HTR1E: variants seen among roughly 807,000 people sequenced by gnomAD.
HTR1E encodes 5-hydroxytryptamine receptor 1E.
In HTR1E, 3 loss-of-function variants were observed where a neutral mutation model predicts 3.4. That is an observed-to-expected ratio of 0.89 (90% CI 0.41 to 2.31). The LOEUF (loss-of-function observed/expected upper bound fraction) is 2.31, where lower values mean the gene tolerates loss of function less well. HTR1E is among the 30% of genes most tolerant of loss of function. The probability of loss-of-function intolerance (pLI) is 0.05; values close to 1 mark genes in which losing one functional copy is unlikely to be tolerated. For missense variants in HTR1E, 392 were observed against 467.0 expected, an observed-to-expected ratio of 0.84 and a Z score of 1.48; for synonymous variants, 170 against 182.8, an observed-to-expected ratio of 0.93 and a Z score of 0.56.
rs150464743 is a variant in HTR1E, at chr6:87,016,096, A to G, written c.762A>G (p.Thr254=). ...VSDFSTSDPT[T]EFEKFHASIR... is the part of the protein sequence containing the mutation. ...ACTTCTCCACCTCAGACCCTACCAC[A>G]GAGTTTGAAAAGTTCCATGCCTCCA... Residue 254 remains threonine (T), a synonymous_variant, in exon 2 of 2, where the codon ACA becomes ACG. Coordinates refer to ENST00000305344, the MANE Select transcript of HTR1E (RefSeq NM_000865.3). 7.6e-5 allele frequency: 123 copies of G among 1,614,062 alleles called. No individual in the cohort carries two copies. The African/African-American group carries it at 1.5e-3, about 20-fold the overall frequency.
chr6:86,976,332 C>A (rs2127824283), intron 1 of HTR1E, among the ~76,000 whole-genome samples: 1 of 152,228 alleles, frequency 6.6e-6, no homozygotes, highest in South Asian at 2.1e-4. Flanking sequence ...GCCACCAAAT[C>A]CCATGGCAAA....
At chr6:86,944,458 A>G (rs927508102) in intron 1 of HTR1E, among the ~76,000 whole-genome samples, 10 of 152,248 alleles carry the variant, frequency 6.6e-5, no homozygotes, top group African/African-American at 1.7e-4. Context: ...ATAATCTGTC[A>G]AAGAATTTGT....
chr6:86,995,292 T>TAATAAATAAATA (rs71014980), intron 1 of HTR1E, among the ~76,000 whole-genome samples: 7,265 of 144,030 alleles, frequency 0.05, 284 homozygotes, highest in African/African-American at 0.097. Context: ...CTCTATAATA[T>TAATAAATAAATA]AATAAATAAA....
chr6:86,957,439 T>C (rs1251657633), intron 1 of HTR1E, among the ~76,000 whole-genome samples: 1 of 152,220 alleles, frequency 6.6e-6, no homozygotes, highest in Non-Finnish European at 1.5e-5. Flanking sequence ...GAAAGTTTCT[T>C]ACCATATATT....
chr6:86,979,959 G>A (rs546815750), intron 1 of HTR1E, among the ~76,000 whole-genome samples: 35 of 152,160 alleles, frequency 2.3e-4, no homozygotes, highest in African/African-American at 8.4e-4. Flanking sequence ...AAGGAGCCCC[G>A]GAAATAAATA....
In HTR1E at chr6:86,973,490, C is replaced by T. The variant is rs73753630; in HGVS notation, c.-186+35667C>T. Among the ~76,000 whole-genome samples the T allele has an allele frequency of 8.2e-3, 1,255 of 152,258 alleles. 18 individuals carry two copies. Among genetic ancestry groups the T allele is most frequent in the African/African-American group, 0.028 (1,178 of 41,540 alleles). On this transcript the variant is annotated intron_variant, in intron 1 of 1. Coordinates refer to ENST00000305344, the MANE Select transcript of HTR1E (RefSeq NM_000865.3). ...ACCAACTCTCATAAAATCTACCAATCAGACCTAAAAGAGATAGAGCACTGT... is the reference window on the plus strand; with the variant it reads ...ACCAACTCTCATAAAATCTACCAATTAGACCTAAAAGAGATAGAGCACTGT...
intron 1 of HTR1E, among the ~76,000 whole-genome samples, chr6:86,996,475 A>T (rs541704916): frequency 9.0e-6 from 1 of 111,528 alleles, no homozygotes; most frequent in Non-Finnish European, 2.0e-5. Context: ...TATAACTGAC[A>T]TAGAAAAATA....
chr6:87,014,822 G>A (rs1768293225), intron 1 of HTR1E, among the ~76,000 whole-genome samples: 2 of 152,126 alleles, frequency 1.3e-5, no homozygotes, highest in African/African-American at 4.8e-5. Context: ...AGGGCTAGGG[G>A]AGGGATGGCA....
intron 1 of HTR1E, among the ~76,000 whole-genome samples, chr6:87,001,891 A>G (rs1768029394): frequency 6.6e-6 from 1 of 152,210 alleles, no homozygotes; most frequent in African/African-American, 2.4e-5. Flanking sequence ...ATCTATAAGG[A>G]TGCATACACA....
At chr6:86,968,075 C>T (rs1384418552) in intron 1 of HTR1E, among the ~76,000 whole-genome samples, 1 of 152,186 alleles carries the variant, frequency 6.6e-6, no homozygotes, top group Non-Finnish European at 1.5e-5. Context: ...TGTGGTATCA[C>T]ACTATGTTCA....
chr6:87,015,565 C>A lies in HTR1E; in HGVS notation c.231C>A (p.Pro77=). 6.2e-7 allele frequency: 1 copy of A among 1,613,418 alleles called. No homozygotes were observed. The highest frequency in any genetic ancestry group is 8.5e-7 in the Non-Finnish European group (1 of 1,179,636). ...TDLLVAVLVM[P]LSIIYIVMDR... is the part of the protein sequence containing the mutation. ...TCCTGGTGGCAGTGCTCGTCATGCC[C>A]CTGAGCATCATCTACATTGTCATGG... Residue 77 remains proline, a synonymous_variant, in exon 2 of 2, where the codon CCC becomes CCA. Coordinates refer to ENST00000305344, the MANE Select transcript of HTR1E (RefSeq NM_000865.3).
intron 1 of HTR1E, among the ~76,000 whole-genome samples, chr6:86,972,061 G>A (rs1160793294): frequency 6.6e-6 from 1 of 152,124 alleles, no homozygotes; most frequent in African/African-American, 2.4e-5. Flanking sequence ...ATTTTAAACA[G>A]AGCATTATAA....
rs58476122 is a variant in HTR1E at position 86,995,688 on chromosome 6, GAA to G, written c.-185-19447_-185-19446del. 9.6e-4 allele frequency among the ~76,000 whole-genome samples: 53 copies of G among 55,204 alleles called. 1 individual carries two copies. Among genetic ancestry groups the G allele is most frequent in the African/African-American group, 2.6e-3 (50 of 19,286 alleles). The allele number at this position is 55,204 out of a possible 152,430, so 36.2% of individuals were successfully genotyped here. The stretch of plus-strand genomic sequence containing the variant: ...CTCAAAAAAAAAAAAAAAAAAAAAA[GAA>G]AAAAAAAAAAAAAAGAAAACATGAC... On this transcript the variant is annotated intron_variant, in intron 1 of 1. Coordinates refer to ENST00000305344, the MANE Select transcript of HTR1E (RefSeq NM_000865.3).
At chr6:86,949,585 A>C (rs1767195172) in intron 1 of HTR1E, among the ~76,000 whole-genome samples, 1 of 152,168 alleles carries the variant, frequency 6.6e-6, no homozygotes, top group African/African-American at 2.4e-5. Context: ...GAACATTTCT[A>C]TCAAAAGTTT....
intron 1 of HTR1E, among the ~76,000 whole-genome samples, chr6:87,010,822 C>G (rs989035614): frequency 6.6e-6 from 1 of 151,000 alleles, no homozygotes; most frequent in East Asian, 2.0e-4. Context: ...TCGGGCCCCG[C>G]GGGGCCCGTC....
intron 1 of HTR1E, among the ~76,000 whole-genome samples, chr6:86,966,012 GA>G (rs78617759): frequency 0.15 from 23,039 of 151,784 alleles, 1,962 homozygotes; most frequent in East Asian, 0.29. Flanking sequence ...AAATAAAAAA[GA>G]AATAGGAATT....
intron 1 of HTR1E, among the ~76,000 whole-genome samples, chr6:86,940,707 T>G (rs1192717809): frequency 6.6e-6 from 1 of 152,194 alleles, no homozygotes; most frequent in African/African-American, 2.4e-5. Flanking sequence ...GGAATTCTAT[T>G]TCTGCACTAC....
chr6:86,977,333 A>G (rs1329931627), intron 1 of HTR1E, among the ~76,000 whole-genome samples: 2 of 152,154 alleles, frequency 1.3e-5, no homozygotes, highest in Non-Finnish European at 2.9e-5. Flanking sequence ...TATGGCCCCC[A>G]GCTCCATCCA....
chr6:86,975,487 T>A (rs748043632), intron 1 of HTR1E, among the ~76,000 whole-genome samples: 1 of 151,976 alleles, frequency 6.6e-6, no homozygotes, highest in Non-Finnish European at 1.5e-5. Flanking sequence ...CATCTATATA[T>A]TCTCCTAAGC....
Sources: allele counts gnomAD v4.1 joint callset (sites outside exome capture counted in the v4.1 genomes callset), GRCh38; gene constraint gnomAD v4.1.1; transcripts MANE v1.5; gene names NCBI Gene and HGNC (gene_info 2026-07-23, HGNC 2026-07-21).